Variants in ZDHHC11B observed in about 807,000 individuals in gnomAD.
The protein encoded by ZDHHC11B is probable palmitoyltransferase ZDHHC11B.
In ZDHHC11B, 17 loss-of-function variants were observed where a neutral mutation model predicts 42.3. The observed-to-expected ratio is 0.40, with a 90% CI of 0.27 to 0.60. ZDHHC11B has a LOEUF of 0.60. Ranked by LOEUF, ZDHHC11B falls within the 20% of genes least tolerant of loss-of-function variation. The pLI, the probability that ZDHHC11B is intolerant of heterozygous loss-of-function variation, is 0.41. For missense variants in ZDHHC11B, 262 were observed against 463.2 expected, an observed-to-expected ratio of 0.57 and a Z score of 3.99; for synonymous variants, 123 against 193.5, an observed-to-expected ratio of 0.64 and a Z score of 3.02.
chr5:774,581 TCACTAGGGCCAGGGGTCTGC>T (rs1486497944), intron 1 of ZDHHC11B, among the ~76,000 whole-genome samples: 3 of 30,118 alleles, frequency 1.0e-4, no homozygotes, highest in African/African-American at 4.2e-4. Flanking sequence ...CTGGGGTCTG[TCACTAGGGCCAGGGGTCTGC>T]CCCTTGGGCC....
intron 1 of ZDHHC11B, among the ~76,000 whole-genome samples, chr5:784,015 G>T (rs1294640004): frequency 6.6e-6 from 1 of 151,416 alleles, no homozygotes; most frequent in East Asian, 1.9e-4. Context: ...CTGCTCCCAG[G>T]GGTGCGGGAA....
chr5:759,825 G>T (rs1038901764), intron 4 of ZDHHC11B, among the ~76,000 whole-genome samples: 1 of 151,884 alleles, frequency 6.6e-6, no homozygotes, highest in Non-Finnish European at 1.5e-5. Flanking sequence ...GGCCTGGGAG[G>T]TCACTTCCCA....
intron 9 of ZDHHC11B, among the ~76,000 whole-genome samples, chr5:744,566 C>A (rs1744526745): frequency 6.7e-6 from 1 of 149,126 alleles, no homozygotes. Flanking sequence ...AGGGAACTAA[C>A]TTCCTTAAGT....
At chr5:750,851 G>A (rs1224400249) in intron 7 of ZDHHC11B, among the ~76,000 whole-genome samples, 1 of 128,072 alleles carries the variant, frequency 7.8e-6, no homozygotes, top group African/African-American at 2.5e-5. Context: ...CGGAGGGCAG[G>A]GGCAGAGGTG....
intron 4 of ZDHHC11B, among the ~76,000 whole-genome samples, chr5:761,664 C>T (rs1035475436): frequency 6.6e-6 from 1 of 151,900 alleles, no homozygotes. Flanking sequence ...GAAGCCTGAA[C>T]CCCCACATGT....
chr5:737,204 A>G (rs1170903683), intron 10 of ZDHHC11B, among the ~76,000 whole-genome samples: 1 of 148,680 alleles, frequency 6.7e-6, no homozygotes, highest in African/African-American at 2.5e-5. Context: ...CACAAACTAG[A>G]AAATCCAGAG....
intron 1 of ZDHHC11B, among the ~76,000 whole-genome samples, chr5:780,642 A>G (rs2150249927): frequency 7.2e-6 from 1 of 138,322 alleles, no homozygotes; most frequent in East Asian, 2.3e-4. Flanking sequence ...GGCTGGCACT[A>G]GAACTGCAGG....
intron 3 of ZDHHC11B, 118 bp downstream of exon 3, chr5:767,274 T>G: frequency 8.2e-7 from 1 of 1,216,574 alleles, no homozygotes. Flanking sequence ...TGAGCTGCCA[T>G]CTGGACGGCT....
intron 12 of ZDHHC11B, among the ~76,000 whole-genome samples, chr5:717,929 G>T (rs1384296386): frequency 6.6e-6 from 1 of 151,776 alleles, no homozygotes; most frequent in Non-Finnish European, 1.5e-5. Flanking sequence ...GGGAGGGTCT[G>T]CCACCAGATT....
chr5:757,259 G>A (rs572579363), intron 4 of ZDHHC11B, among the ~76,000 whole-genome samples: 2 of 152,084 alleles, frequency 1.3e-5, no homozygotes, highest in Admixed American at 6.6e-5. Flanking sequence ...AGCTTGGCAT[G>A]GAAACGCAGG....
At chr5:763,865 T>A (rs1163499261) in intron 4 of ZDHHC11B, among the ~76,000 whole-genome samples, 4 of 151,850 alleles carry the variant, frequency 2.6e-5, no homozygotes, top group Non-Finnish European at 4.4e-5. Flanking sequence ...ATGTCCGAGA[T>A]TTTTAAAGGT....
chr5:724,690 G>GACAC (rs1561118850), intron 12 of ZDHHC11B, among the ~76,000 whole-genome samples: 3 of 137,942 alleles, frequency 2.2e-5, no homozygotes, highest in African/African-American at 8.1e-5. Flanking sequence ...CACACACACA[G>GACAC]ACACACAGAT....
intron 1 of ZDHHC11B, among the ~76,000 whole-genome samples, chr5:784,270 C>A (rs547165398): frequency 6.6e-6 from 1 of 151,834 alleles, no homozygotes. Flanking sequence ...CGGCGGCCCC[C>A]TACGCCTGGG....
intron 1 of ZDHHC11B, among the ~76,000 whole-genome samples, chr5:777,260 G>C (rs1162155350): frequency 6.6e-6 from 1 of 151,834 alleles, no homozygotes; most frequent in Non-Finnish European, 1.5e-5. Flanking sequence ...GACGCCTCTG[G>C]AGTCATTCAT....
rs1220259808 is a variant in ZDHHC11B at position 745,039 on chromosome 5, C to A, written c.900+144G>T. On this transcript the variant is annotated intron_variant, in intron 9 of 13. Coordinates refer to ENST00000508859, the MANE Select transcript of ZDHHC11B (RefSeq NM_001351303.2). ...CACATAGACACACCCATGCACAGAG[C>A]CTCACACACAGACACACACACAGCA... The A allele has an allele frequency of 1.2e-5, 10 of 864,788 alleles. 1 individual carries two copies. The African/African-American group carries it at 1.2e-4, about 11-fold the overall frequency. The allele number at this position is 864,788 out of a possible 1,614,324, so 53.6% of individuals were successfully genotyped here.
At chr5:762,082 AGCCCAGACAGCCACTCATG>A (rs1460668979) in intron 4 of ZDHHC11B, among the ~76,000 whole-genome samples, 1 of 150,444 alleles carries the variant, frequency 6.6e-6, no homozygotes, top group Non-Finnish European at 1.5e-5. Context: ...AGCCACTCAC[AGCCCAGACAGCCACTCATG>A]GCCCCAGACA....
rs754082408 is a variant in ZDHHC11B at position 766,705 on chromosome 5, G to A, written c.215C>T (p.Ala72Val). The A allele has an allele frequency of 1.1e-4, 169 of 1,608,320 alleles. No homozygotes were observed. The highest frequency in any genetic ancestry group is 1.4e-4 in the Non-Finnish European group (163 of 1,176,892). Residue 72 changes from alanine (A) to valine (V), a missense_variant, in exon 4 of 14, where the codon GCC (alanine) becomes GTC (valine). Coordinates refer to ENST00000508859, the MANE Select transcript of ZDHHC11B (RefSeq NM_001351303.2). The part of the protein sequence containing the change: ...PLLPHSWKYI[A>V]YVVTGGIFSF... ...CCACGATGAAAAGGATACCACATAGGCGATGTATTTCCACGAGTGAGGCAG... is the reference window on the plus strand; with the variant it reads ...CCACGATGAAAAGGATACCACATAGACGATGTATTTCCACGAGTGAGGCAG...
chr5:735,645 G>A (rs890229698), intron 10 of ZDHHC11B, among the ~76,000 whole-genome samples: 2 of 139,758 alleles, frequency 1.4e-5, no homozygotes, highest in African/African-American at 2.7e-5. Context: ...CACTAGAAGG[G>A]ATTGGGGTCC....
chr5:756,382 G>A (rs1181059066), intron 4 of ZDHHC11B, among the ~76,000 whole-genome samples: 6 of 151,096 alleles, frequency 4.0e-5, no homozygotes, highest in Non-Finnish European at 7.4e-5. Context: ...ACCCAGCCCC[G>A]TCCACTCGGC....
Sources: gnomAD v4.1 joint callset for allele counts (sites outside exome capture counted in the v4.1 genomes callset) on GRCh38, gnomAD v4.1.1 for gene constraint, MANE v1.5 for transcripts, NCBI Gene and HGNC (gene_info 2026-07-23, HGNC 2026-07-21) for gene names.